KCNQ5: variants seen among roughly 807,000 people sequenced by gnomAD.
The protein encoded by KCNQ5 is potassium voltage-gated channel subfamily Q member 5, also known as potassium voltage-gated channel subfamily KQT member 5.
A neutral mutation model predicts 98.2 loss-of-function variants in KCNQ5; 30 were observed. That is an observed-to-expected ratio of 0.31 (90% CI 0.23 to 0.41). The LOEUF is 0.41. Ranked by LOEUF, KCNQ5 falls within the 10% of genes least tolerant of loss-of-function variation. The pLI is 1.00. For missense variants in KCNQ5, 835 were observed against 1,182.5 expected, an observed-to-expected ratio of 0.71 and a Z score of 4.31; for synonymous variants, 458 against 449.4, an observed-to-expected ratio of 1.02 and a Z score of -0.24.
chr6:73,149,327 CAA>C (rs1777049999), intron 10 of KCNQ5, among the ~76,000 whole-genome samples: 1 of 152,068 alleles, frequency 6.6e-6, no homozygotes, highest in Non-Finnish European at 1.5e-5. Context: ...TTGGTTTTAC[CAA>C]AGTGGTATAT....
At chr6:73,030,160 A>T (rs1433497977) in intron 2 of KCNQ5, among the ~76,000 whole-genome samples, 1 of 152,148 alleles carries the variant, frequency 6.6e-6, no homozygotes, top group Non-Finnish European at 1.5e-5. Context: ...ATTTTCCTTA[A>T]TTTTGAAAGT....
chr6:72,625,767 T>G (rs1462765835), intron 1 of KCNQ5, among the ~76,000 whole-genome samples: 15 of 152,258 alleles, frequency 9.9e-5, no homozygotes. Context: ...TTACTCCTTC[T>G]GGTCAGGCAA....
intron 1 of KCNQ5, among the ~76,000 whole-genome samples, chr6:72,786,306 G>A (rs1482875331): frequency 2.0e-5 from 3 of 152,122 alleles, no homozygotes; most frequent in East Asian, 1.9e-4. Flanking sequence ...ATTATAAAAC[G>A]TGCTTAAATT....
chr6:73,194,514 A>G lies in KCNQ5; in HGVS notation c.1899A>G (p.Lys633=), dbSNP rs1349003463. ...LLDIYQQVLR[K]GSASALALAS... ...ACATCTATCAACAGGTCCTTCGGAA[A>G]GGCTCTGCCTCAGCCCTCGCTTTGG... The change falls in exon 14 of 14, where the codon AAA becomes AAG. Residue 633 remains lysine, a synonymous_variant. Transcript: ENST00000370398. 1 of 1,614,222 alleles carries G rather than the reference A, an allele frequency of 6.2e-7. No homozygotes were observed. The highest frequency in any genetic ancestry group is 8.5e-7 in the Non-Finnish European group (1 of 1,180,032).
chr6:72,975,878 G>A (rs1354685998), intron 1 of KCNQ5, among the ~76,000 whole-genome samples: 2 of 152,148 alleles, frequency 1.3e-5, no homozygotes, highest in East Asian at 3.9e-4. Flanking sequence ...GGGTCCTCTT[G>A]TATATACGTG....
chr6:72,696,260 C>T (rs1768492611), intron 1 of KCNQ5, among the ~76,000 whole-genome samples: 1 of 152,114 alleles, frequency 6.6e-6, no homozygotes, highest in Admixed American at 6.5e-5. Flanking sequence ...GAATATTATA[C>T]AGCAGTGAAA....
chr6:73,126,896 A>C (rs1194156525), intron 9 of KCNQ5, among the ~76,000 whole-genome samples: 1 of 152,178 alleles, frequency 6.6e-6, no homozygotes, highest in African/African-American at 2.4e-5. Flanking sequence ...CCTGACCTCA[A>C]GTAGTTTGTG....
intron 3 of KCNQ5, among the ~76,000 whole-genome samples, chr6:73,051,522 C>T (rs548157936): frequency 6.6e-6 from 1 of 152,228 alleles, no homozygotes; most frequent in East Asian, 1.9e-4. Context: ...TTAGCAGTTT[C>T]CTAACCTCAA....
chr6:72,900,277 C>T (rs368912269), intron 1 of KCNQ5, among the ~76,000 whole-genome samples: 2 of 151,064 alleles, frequency 1.3e-5, no homozygotes, highest in Admixed American at 6.6e-5. Flanking sequence ...CTGTGAATGC[C>T]GTGAATTCAT....
At chr6:72,847,059 A>C (rs1361601005) in intron 1 of KCNQ5, among the ~76,000 whole-genome samples, 1 of 152,200 alleles carries the variant, frequency 6.6e-6, no homozygotes, top group Non-Finnish European at 1.5e-5. Context: ...ATAGTTACTG[A>C]TGCTTTTTTT....
At chr6:72,832,408 A>T (rs1421429764) in intron 1 of KCNQ5, among the ~76,000 whole-genome samples, 1 of 152,034 alleles carries the variant, frequency 6.6e-6, no homozygotes, top group African/African-American at 2.4e-5. Flanking sequence ...TTTTTTAAGT[A>T]TGAGAAGGAG....
At chr6:72,743,135 G>T (rs1325567194) in intron 1 of KCNQ5, among the ~76,000 whole-genome samples, 6 of 152,042 alleles carry the variant, frequency 3.9e-5, no homozygotes. Context: ...GAGCTAAAAT[G>T]CACTCTTGAC....
intron 1 of KCNQ5, among the ~76,000 whole-genome samples, chr6:72,815,604 GATTCTGCAGGC>G: frequency 6.6e-6 from 1 of 152,206 alleles, no homozygotes; most frequent in East Asian, 1.9e-4. Flanking sequence ...ATTTGAACGT[GATTCTGCAGGC>G]AATGAGGATC....
At chr6:72,786,022 T>A (rs889063853) in intron 1 of KCNQ5, among the ~76,000 whole-genome samples, 5 of 152,270 alleles carry the variant, frequency 3.3e-5, no homozygotes, top group Admixed American at 1.3e-4. Flanking sequence ...CATTTAAAAA[T>A]AAACAGGTAA....
intron 2 of KCNQ5, among the ~76,000 whole-genome samples, chr6:73,026,213 G>A (rs1770884028): frequency 6.6e-6 from 1 of 152,178 alleles, no homozygotes; most frequent in South Asian, 2.1e-4. Flanking sequence ...GTCCTGGAAT[G>A]TACTCCCCAT....
chr6:72,948,068 A>G (rs1766630834), intron 1 of KCNQ5, among the ~76,000 whole-genome samples: 1 of 152,158 alleles, frequency 6.6e-6, no homozygotes, highest in Admixed American at 6.5e-5. Context: ...ACGTAGCACC[A>G]CATCAGTTTA....
intron 1 of KCNQ5, among the ~76,000 whole-genome samples, chr6:72,635,374 C>A (rs2098923442): frequency 6.6e-6 from 1 of 152,036 alleles, no homozygotes; most frequent in African/African-American, 2.4e-5. Flanking sequence ...ACATTAAATT[C>A]CCAATTTATA....
chr6:72,742,519 A>T (rs1335265395), intron 1 of KCNQ5, among the ~76,000 whole-genome samples: 2 of 152,176 alleles, frequency 1.3e-5, no homozygotes, highest in East Asian at 3.8e-4. Flanking sequence ...CAGTTCTCTA[A>T]GCATGGTCTG....
At chr6:72,624,122 C>A (rs2098916917) in intron 1 of KCNQ5, among the ~76,000 whole-genome samples, 1 of 152,176 alleles carries the variant, frequency 6.6e-6, no homozygotes, top group Non-Finnish European at 1.5e-5. Flanking sequence ...ATCATCATTA[C>A]ATCAAAAAGT....
Sources: allele counts gnomAD v4.1 joint callset (sites outside exome capture counted in the v4.1 genomes callset), GRCh38; gene constraint gnomAD v4.1.1; transcripts MANE v1.5; gene names NCBI Gene and HGNC (gene_info 2026-07-23, HGNC 2026-07-21).